The following APAF1 variants were observed in gnomAD, a reference collection of about 807,000 sequenced individuals.
APAF1 encodes the protein apoptotic peptidase activating factor 1.
APAF1 carries 91 observed loss-of-function variants against 152.4 expected under a neutral mutation model. The observed-to-expected ratio is 0.60, with a 90% CI of 0.50 to 0.71. The LOEUF (loss-of-function observed/expected upper bound fraction) is 0.71, where lower values mean the gene tolerates loss of function less well. APAF1 is among the 30% of genes least tolerant of loss of function. The pLI is 0.00. For synonymous variants in APAF1, 484 were observed against 494.1 expected (o/e 0.98, Z 0.27); for missense variants, 1,283 against 1,472.0 (o/e 0.87, Z 2.10).
chr12:98,699,221 CTTTTT>C (rs1401764116), intron 16 of APAF1, among the ~76,000 whole-genome samples, 182 bp from the exon 17 acceptor site: 1 of 151,940 alleles, frequency 6.6e-6, no homozygotes, highest in Non-Finnish European at 1.5e-5. Flanking sequence ...CTAATTTTTT[CTTTTT>C]AAGAACGTAA....
chr12:98,662,763 A>G lies in APAF1; in HGVS notation c.912A>G (p.Ala304=), dbSNP rs779183383. 76 of 1,611,924 alleles carry G rather than the reference A, an allele frequency of 4.7e-5. 2 individuals carry two copies. In the Middle Eastern group the frequency reaches 2.1e-3, roughly 44 times the overall value. The change falls in exon 7 of 27, where the codon GCA becomes GCG. Residue 304 remains alanine, a synonymous_variant. Transcript: ENST00000551964. ...ILSLFVNMKK[A]DLPEQAHSII... Reference sequence around the variant, plus strand: ...CCCTTTTTGTTAATATGAAGAAGGCAGATTTGCCAGAACAAGCTCATAGTA... The same window carrying G: ...CCCTTTTTGTTAATATGAAGAAGGCGGATTTGCCAGAACAAGCTCATAGTA...
chr12:98,710,841 ATGT>A lies in APAF1; in HGVS notation c.2842-1475_2842-1473del, dbSNP rs570680739. Among the ~76,000 whole-genome samples, 3 of 152,292 alleles carry A rather than the reference ATGT, an allele frequency of 2.0e-5. No individual in the cohort carries two copies. The East Asian group carries it at 5.8e-4, about 29-fold the overall frequency. Reference sequence around the variant, plus strand: ...GACTTCTTTATCAACTAGTTCTATGATGTTGAATAAATTGTATCACGTCTTTGA... The same window carrying A: ...GACTTCTTTATCAACTAGTTCTATGATGAATAAATTGTATCACGTCTTTGA... On this transcript the variant is annotated intron_variant, in intron 20 of 26. Coordinates refer to ENST00000551964, the MANE Select transcript of APAF1 (RefSeq NM_181861.2).
At position 98,662,775 on chromosome 12, in the gene APAF1, A is replaced by T. The variant is rs1476046923; in HGVS notation, c.924A>T (p.Glu308Asp). The change falls in exon 7 of 27, where the codon GAA becomes GAT. Residue 308 changes from glutamate (E) to aspartate (D), a missense_variant. By Grantham distance (45) the Glu-to-Asp change is conservative. Coordinates refer to ENST00000551964, the MANE Select transcript of APAF1 (RefSeq NM_181861.2). ...ATATGAAGAAGGCAGATTTGCCAGA[A>T]CAAGCTCATAGTATTATAAAAGAAT... ...FVNMKKADLPEQAHSIIKECK... is the reference protein window; with the variant it reads ...FVNMKKADLPDQAHSIIKECK... 1.9e-6 allele frequency: 3 copies of T among 1,611,084 alleles called. No homozygotes were observed. The African/African-American group carries it at 4.0e-5, about 22-fold the overall frequency.
In APAF1 at chr12:98,677,558, C is replaced by T. The variant is rs888598753; in HGVS notation, c.1920+7C>T. 1 of 1,614,088 alleles carries T rather than the reference C, an allele frequency of 6.2e-7. No homozygotes were observed. The highest frequency in any genetic ancestry group is 8.5e-7 in the Non-Finnish European group (1 of 1,179,998). The stretch of plus-strand genomic sequence containing the variant: ...AGCTGATAAAACCTTACAGGTAAAA[C>T]ACATCTCTTGAGAAAAATGCAAAGA... On this transcript the variant is annotated splice_region_variant and intron_variant, in intron 13 of 26. Coordinates refer to ENST00000551964, the MANE Select transcript of APAF1 (RefSeq NM_181861.2).
At chr12:98,658,658 G>C (rs2097660808) in intron 4 of APAF1, among the ~76,000 whole-genome samples, 1 of 152,144 alleles carries the variant, frequency 6.6e-6, no homozygotes, top group Non-Finnish European at 1.5e-5. Context: ...AGTTCTCAAC[G>C]AGGGGTGATT....
chr12:98,653,719 T>TATATATATATATATAG (rs1305555429), intron 4 of APAF1, among the ~76,000 whole-genome samples: 19 of 108,198 alleles, frequency 1.8e-4, no homozygotes, highest in African/African-American at 6.4e-4. Flanking sequence ...TATATATATA[T>TATATATATATATATAG]ATATAGTTTT....
intron 25 of APAF1, 66 bp from the exon 26 acceptor site, chr12:98,727,107 T>C: frequency 6.9e-7 from 1 of 1,454,744 alleles, no homozygotes; most frequent in East Asian, 2.3e-5. Context: ...TGGACATATA[T>C]ATGTTTTAAA....
At chr12:98,658,489 G>C (rs2097660597) in intron 4 of APAF1, among the ~76,000 whole-genome samples, 1 of 152,188 alleles carries the variant, frequency 6.6e-6, no homozygotes, top group Non-Finnish European at 1.5e-5. Flanking sequence ...AGGTGGGCTA[G>C]ACAGCCTTAT....
Position 98,735,203 on chromosome 12 carries a change from T to C in APAF1, c.*2637T>C. ...CAAGAGGAGGATTTTGTTTTGTAGT[T>C]TGCAGATGAGCATTTCTAAAGCATT... On this transcript the variant is annotated 3_prime_UTR_variant, in exon 27 of 27. Transcript: ENST00000551964. The C allele has an allele frequency of 2.5e-6, 1 of 399,160 alleles. No homozygotes were observed. Among genetic ancestry groups the C allele is most frequent in the Non-Finnish European group, 4.4e-6 (1 of 226,440 alleles). The allele number at this position is 399,160 out of a possible 1,614,324, so 24.7% of individuals were successfully genotyped here. A position where few individuals can be genotyped will look rare whatever the true frequency, so the allele number is the denominator to read the frequency against.
Position 98,734,819 on chromosome 12 carries a change from G to T in APAF1, c.*2253G>T. On this transcript the variant is annotated 3_prime_UTR_variant, in exon 27 of 27. Coordinates refer to ENST00000551964, the MANE Select transcript of APAF1 (RefSeq NM_181861.2). ...GAATACCCAAATCATAATTTTATTT[G>T]TACACACTGTTAGGGGCTCATCTCA... is the stretch of plus-strand genomic sequence containing the variant. 5.1e-6 allele frequency: 1 copy of T among 197,042 alleles called. No homozygotes were observed. The allele number at this position is 197,042 out of a possible 1,614,324, so 12.2% of individuals were successfully genotyped here. A position where few individuals can be genotyped will look rare whatever the true frequency, so the allele number is the denominator to read the frequency against.
At chr12:98,649,004 G>C in intron 3 of APAF1, 189 bp downstream of exon 3, 1 of 760,476 alleles carries the variant, frequency 1.3e-6, no homozygotes, top group South Asian at 1.6e-5. Context: ...TTTTCTTCTT[G>C]CCCAGTGAAC....
intron 5 of APAF1, among the ~76,000 whole-genome samples, chr12:98,660,100 C>T (rs1471732544): frequency 6.6e-6 from 1 of 152,202 alleles, no homozygotes; most frequent in Non-Finnish European, 1.5e-5. Context: ...AGTCCCAGCA[C>T]TTTGGGAGGC....
intron 1 of APAF1, among the ~76,000 whole-genome samples, chr12:98,647,886 T>A (rs1214366874): frequency 1.3e-5 from 2 of 152,098 alleles, no homozygotes; most frequent in African/African-American, 2.4e-5. Context: ...TGAAACATCC[T>A]CCATTAATTC....
chr12:98,651,135 T>A (rs1012891892), intron 4 of APAF1, among the ~76,000 whole-genome samples: 2 of 152,250 alleles, frequency 1.3e-5, no homozygotes, highest in Non-Finnish European at 2.9e-5. Flanking sequence ...GCTTAATTCA[T>A]ATTCCTCGTA....
rs1161430586 is a variant in APAF1, at chr12:98,677,285, A to T, written c.1794-140A>T. 6 of 823,788 alleles carry T rather than the reference A, an allele frequency of 7.3e-6. No homozygotes were observed. In the Admixed American group the frequency reaches 1.2e-4, roughly 17 times the overall value. 51.0% of individuals were successfully genotyped at this position (823,788 alleles called of 1,614,324 possible). A position where few individuals can be genotyped will look rare whatever the true frequency, so the allele number is the denominator to read the frequency against. ...TTTGGTGATCTGTGCTGTCATTTGC[A>T]TGTTAGTAATCTGATTTTAAGAATT... On this transcript the variant is annotated intron_variant, in intron 12 of 26. Transcript: ENST00000551964.
chr12:98,724,911 T>C lies in APAF1; in HGVS notation c.3331-504T>C, dbSNP rs555161676. Among the ~76,000 whole-genome samples the C allele has an allele frequency of 5.3e-5, 8 of 152,320 alleles. No individual in the cohort carries two copies. The East Asian group carries it at 1.5e-3, about 29-fold the overall frequency. Reference sequence around the variant, plus strand: ...TATTGAAAGAAAAAAAAAATAGCATTTGGCTGCCAAGAAGTAGGCTAGTAT... The same window carrying C: ...TATTGAAAGAAAAAAAAAATAGCATCTGGCTGCCAAGAAGTAGGCTAGTAT... On this transcript the variant is annotated intron_variant, in intron 24 of 26. Coordinates refer to ENST00000551964, the MANE Select transcript of APAF1 (RefSeq NM_181861.2).
At chr12:98,724,865 GT>G (rs2097748152) in intron 24 of APAF1, among the ~76,000 whole-genome samples, 1 of 151,648 alleles carries the variant, frequency 6.6e-6, no homozygotes, top group Non-Finnish European at 1.5e-5. Context: ...GCTAAATGAT[GT>G]TGACAAAACC....
intron 22 of APAF1, among the ~76,000 whole-genome samples, chr12:98,722,910 T>C (rs2097745027): frequency 6.6e-6 from 1 of 152,134 alleles, no homozygotes; most frequent in Non-Finnish European, 1.5e-5. Context: ...TGTGTGTTTT[T>C]TTTTTTCTAT....
At chr12:98,649,851 A>G (rs2153304661) in intron 4 of APAF1, among the ~76,000 whole-genome samples, 167 bp downstream of exon 4, 1 of 152,324 alleles carries the variant, frequency 6.6e-6, no homozygotes, top group South Asian at 2.1e-4. Context: ...GGATAGGACA[A>G]GCTTCCTGAA....
Sources: allele counts gnomAD v4.1 joint callset (sites outside exome capture counted in the v4.1 genomes callset), GRCh38; gene constraint gnomAD v4.1.1; transcripts MANE v1.5; gene names NCBI Gene and HGNC (gene_info 2026-07-23, HGNC 2026-07-21).